INTS6: variants seen among roughly 807,000 people sequenced by gnomAD.
The protein encoded by INTS6 is DEAD box protein.
INTS6 carries 16 observed loss-of-function variants against 104.9 expected under a neutral mutation model. That is an observed-to-expected ratio of 0.15 (90% CI 0.10 to 0.23). The LOEUF (loss-of-function observed/expected upper bound fraction) is 0.23. Ranked by LOEUF, INTS6 falls within the 10% of genes least tolerant of loss-of-function variation. The pLI, the probability that INTS6 is intolerant of heterozygous loss-of-function variation, is 1.00. For missense variants in INTS6, 584 were observed against 1,062.8 expected, an observed-to-expected ratio of 0.55 and a Z score of 6.26; for synonymous variants, 324 against 358.7, an observed-to-expected ratio of 0.90 and a Z score of 1.09.
At chr13:51,402,658 A>G (rs183542472) in intron 4 of INTS6, 50 of 152,340 alleles carry the variant, frequency 3.3e-4, no homozygotes, top group Non-Finnish European at 2.9e-5. Flanking sequence ...TAGCCAACAG[A>G]AAAGGAAATG....
intron 12 of INTS6, among the ~76,000 whole-genome samples, chr13:51,376,398 T>C (rs1447965026): frequency 2.6e-5 from 4 of 152,190 alleles, no homozygotes; most frequent in Non-Finnish European, 5.9e-5. Flanking sequence ...ACCATCTAAC[T>C]CTAAAGATTT....
intron 4 of INTS6, among the ~76,000 whole-genome samples, chr13:51,410,283 G>T (rs1398567467): frequency 3.9e-5 from 6 of 152,120 alleles, no homozygotes; most frequent in Non-Finnish European, 8.8e-5. Context: ...AAGCAATTTG[G>T]ATAAAAACAA....
At chr13:51,396,610 C>CA (rs760821478) in intron 4 of INTS6, among the ~76,000 whole-genome samples, 108 of 151,496 alleles carry the variant, frequency 7.1e-4, no homozygotes, top group Non-Finnish European at 1.1e-3. Flanking sequence ...GGATTCTTAC[C>CA]AAAAAAAAGA....
At chr13:51,372,649 CTCATT>C (rs1955833881) in intron 15 of INTS6, among the ~76,000 whole-genome samples, 1 of 152,176 alleles carries the variant, frequency 6.6e-6, no homozygotes, top group African/African-American at 2.4e-5. Context: ...CTAAACTAAA[CTCATT>C]TATCATTTCT....
In INTS6 at chr13:51,361,904, ATT is replaced by A. The variant is rs1435528561; in HGVS notation, c.*3846_*3847del. 6.2e-7 allele frequency: 1 copy of A among 1,611,806 alleles called. No homozygotes were observed. Among genetic ancestry groups the A allele is most frequent in the Non-Finnish European group, 8.5e-7 (1 of 1,178,546 alleles). On this transcript the variant is annotated 3_prime_UTR_variant, in exon 18 of 18. Coordinates refer to ENST00000311234, the MANE Select transcript of INTS6 (RefSeq NM_012141.3). ...GAGAACCTAACACAGGTATTACAGT[ATT>A]TTTTGACAGGATTCAGATAATTTAT...
chr13:51,384,778 G>C, intron 7 of INTS6: 3 of 442,450 alleles, frequency 6.8e-6, no homozygotes, highest in South Asian at 4.8e-5. Context: ...GTCATTACTA[G>C]TTGCTGCCTT....
At chr13:51,393,063 T>TA (rs1389430877) in intron 5 of INTS6, among the ~76,000 whole-genome samples, 1 of 151,052 alleles carries the variant, frequency 6.6e-6, no homozygotes, top group African/African-American at 2.4e-5. Context: ...AATACACACA[T>TA]AAACAACTAA....
chr13:51,347,970 C>T, the INTS6 span, among the ~76,000 whole-genome samples: 4 of 152,002 alleles, frequency 2.6e-5, no homozygotes, highest in Admixed American at 2.0e-4. Flanking sequence ...CCCCCCCATA[C>T]CCAGTCCTAG....
chr13:51,349,063 A>G, the INTS6 span, among the ~76,000 whole-genome samples: 3 of 152,230 alleles, frequency 2.0e-5, no homozygotes, highest in South Asian at 6.2e-4. Flanking sequence ...TAACTTTACA[A>G]AAAGACTCCT....
At chr13:51,355,877 CA>C in intron 3 of INTS6, among the ~76,000 whole-genome samples, 1 of 152,178 alleles carries the variant, frequency 6.6e-6, no homozygotes, top group Non-Finnish European at 1.5e-5. Context: ...ATTATCTGTG[CA>C]AAGATGATAC....
At chr13:51,372,155 G>A (rs528168017) in intron 15 of INTS6, among the ~76,000 whole-genome samples, 1 of 151,896 alleles carries the variant, frequency 6.6e-6, no homozygotes, top group Non-Finnish European at 1.5e-5. Flanking sequence ...AACTTAACTG[G>A]TCGTTTATAC....
chr13:51,414,676 T>C (rs1158839936), intron 4 of INTS6, among the ~76,000 whole-genome samples: 2 of 152,102 alleles, frequency 1.3e-5, no homozygotes, highest in Non-Finnish European at 2.9e-5. Flanking sequence ...TGAAACTGAG[T>C]GGGTATTTCT....
At chr13:51,431,057 T>C (rs1382466409) in intron 3 of INTS6, among the ~76,000 whole-genome samples, 1 of 152,162 alleles carries the variant, frequency 6.6e-6, no homozygotes, top group Non-Finnish European at 1.5e-5. Flanking sequence ...ATGCTCTATA[T>C]AGAAGGTGAG....
intron 3 of INTS6, among the ~76,000 whole-genome samples, chr13:51,434,813 T>A (rs1392053405): frequency 6.6e-6 from 1 of 152,048 alleles, no homozygotes; most frequent in African/African-American, 2.4e-5. Context: ...ACCCAGCAAA[T>A]TAAAAAAGTT....
intron 4 of INTS6, among the ~76,000 whole-genome samples, chr13:51,407,384 G>A (rs1956588551): frequency 6.6e-6 from 1 of 152,226 alleles, no homozygotes. Context: ...GAACAGTAGA[G>A]TAATACACTC....
chr13:51,341,538 T>C, the INTS6 span, among the ~76,000 whole-genome samples: 3 of 152,164 alleles, frequency 2.0e-5, no homozygotes, highest in Non-Finnish European at 2.9e-5. Context: ...CTCCCTATGG[T>C]GTGCACATGG....
the INTS6 span, chr13:51,340,802 C>T: frequency 4.4e-3 from 2,235 of 508,388 alleles, 48 homozygotes; most frequent in African/African-American, 0.036. Flanking sequence ...TAAAGTCACA[C>T]ATCCAGTAAG....
In INTS6 at chr13:51,377,241, T is replaced by C. The variant is rs1034631026; in HGVS notation, c.1602+998A>G. 2.9e-4 allele frequency among the ~76,000 whole-genome samples: 44 copies of C among 152,164 alleles called. 1 individual carries two copies. Among genetic ancestry groups the C allele is most frequent in the Admixed American group, 2.8e-3 (43 of 15,270 alleles). ...TGTTTGTCCTTTTATTATTGAGTTA[T>C]ATGAATTCTTTATATATTTTGATAC... On this transcript the variant is annotated intron_variant, in intron 12 of 17. Transcript: ENST00000311234.
intron 5 of INTS6, among the ~76,000 whole-genome samples, chr13:51,392,574 T>C (rs1200736886): frequency 1.3e-5 from 2 of 152,198 alleles, no homozygotes; most frequent in South Asian, 2.1e-4. Flanking sequence ...CCATTTCCTC[T>C]GCCTAGATAT....
Sources: gnomAD v4.1 joint callset for allele counts (sites outside exome capture counted in the v4.1 genomes callset) on GRCh38, gnomAD v4.1.1 for gene constraint, MANE v1.5 for transcripts, NCBI Gene and HGNC (gene_info 2026-07-23, HGNC 2026-07-21) for gene names.